The following PTPN1 variants were observed in gnomAD, a reference collection of about 807,000 sequenced individuals.
The protein encoded by PTPN1 is tyrosine-protein phosphatase non-receptor type 1.
Under a neutral mutation model 59.9 loss-of-function variants are expected in PTPN1, and 12 were observed. The ratio of observed to expected loss-of-function variants is 0.20; its 90% CI spans 0.13 to 0.32. The LOEUF is 0.32. Ranked by LOEUF, PTPN1 falls within the 10% of genes least tolerant of loss-of-function variation. PTPN1 has a pLI of 1.00. For missense variants in PTPN1, 356 were observed against 549.2 expected, an observed-to-expected ratio of 0.65 and a Z score of 3.52; for synonymous variants, 178 against 203.6, an observed-to-expected ratio of 0.87 and a Z score of 1.07.
intron 3 of PTPN1, among the ~76,000 whole-genome samples, chr20:50,566,280 C>G (rs542964655): frequency 2.7e-4 from 41 of 152,328 alleles, no homozygotes; most frequent in Admixed American, 1.4e-3. Context: ...TTTCCTACTT[C>G]TTGATTTCAG....
chr20:50,525,104 G>A (rs1194090038), intron 1 of PTPN1, among the ~76,000 whole-genome samples: 2 of 151,972 alleles, frequency 1.3e-5, no homozygotes, highest in Non-Finnish European at 2.9e-5. Flanking sequence ...TTGCTGCCTA[G>A]GCTGGAGTGC....
At chr20:50,536,117 G>A (rs1218555365) in intron 1 of PTPN1, among the ~76,000 whole-genome samples, 1 of 152,152 alleles carries the variant, frequency 6.6e-6, no homozygotes, top group Non-Finnish European at 1.5e-5. Context: ...CACATAAGAT[G>A]GGATACCTCC....
intron 4 of PTPN1, among the ~76,000 whole-genome samples, chr20:50,569,846 G>A (rs542752944): frequency 6.6e-5 from 10 of 152,382 alleles, no homozygotes; most frequent in African/African-American, 2.4e-4. Context: ...GCGCAGGCCA[G>A]TGTTCAGCAG....
At chr20:50,566,040 T>C (rs775727097) in intron 3 of PTPN1, among the ~76,000 whole-genome samples, 8 of 152,192 alleles carry the variant, frequency 5.3e-5, no homozygotes, top group Non-Finnish European at 1.0e-4. Context: ...TCATCTGGGA[T>C]GCAGAGCATC....
At chr20:50,551,564 C>T (rs561692364) in intron 1 of PTPN1, among the ~76,000 whole-genome samples, 44 of 152,288 alleles carry the variant, frequency 2.9e-4, no homozygotes, top group African/African-American at 9.9e-4. Flanking sequence ...CTGGGAGAGC[C>T]GTACACATTT....
intron 2 of PTPN1, among the ~76,000 whole-genome samples, chr20:50,562,583 T>C (rs909523414): frequency 6.6e-6 from 1 of 152,210 alleles, no homozygotes; most frequent in East Asian, 1.9e-4. Context: ...CACGCAGACA[T>C]AAGTGCTCAG....
In PTPN1 at chr20:50,582,994, G is replaced by A; in HGVS notation, c.*279G>A. ...ACCATGCTGGCGGCGCAGAGGGAAG[G>A]GGCCTACACCCGTCTTGGGGCTCGC... On this transcript the variant is annotated 3_prime_UTR_variant, in exon 10 of 10. Coordinates refer to ENST00000371621, the MANE Select transcript of PTPN1 (RefSeq NM_002827.4). The surrounding 1 kb of genome is among the most constrained non-coding windows in gnomAD (Gnocchi z 4.2). 2 of 512,010 alleles carry A rather than the reference G, an allele frequency of 3.9e-6. No homozygotes were observed. Among genetic ancestry groups the A allele is most frequent in the South Asian group, 2.7e-5 (1 of 37,634 alleles). The allele number at this position is 512,010 out of a possible 1,614,324, so 31.7% of individuals were successfully genotyped here. A position where few individuals can be genotyped will look rare whatever the true frequency, so the allele number is the denominator to read the frequency against.
intron 1 of PTPN1, among the ~76,000 whole-genome samples, chr20:50,559,112 A>G (rs564138611): frequency 1.3e-5 from 2 of 148,450 alleles, no homozygotes; most frequent in South Asian, 2.2e-4. Context: ...GCTCACTGCA[A>G]CCTCCACCTC....
intron 1 of PTPN1, among the ~76,000 whole-genome samples, chr20:50,535,592 G>A (rs1379273042): frequency 3.9e-5 from 6 of 152,218 alleles, no homozygotes; most frequent in African/African-American, 9.7e-5. Flanking sequence ...GTTACAGAAA[G>A]CAAGCTGCTA....
intron 8 of PTPN1, 145 bp from the exon 9 acceptor site, chr20:50,581,120 G>A: frequency 1.5e-6 from 2 of 1,360,780 alleles, no homozygotes; most frequent in African/African-American, 1.5e-5. Flanking sequence ...CCAAGCAGAG[G>A]GGGCTGGCTC....
intron 1 of PTPN1, chr20:50,557,730 C>G (rs901483613): frequency 6.6e-6 from 1 of 152,118 alleles, no homozygotes; most frequent in Non-Finnish European, 1.5e-5. Flanking sequence ...AGTGGCTCTT[C>G]GCGGGCATGA....
At chr20:50,548,289 A>G (rs1319782570) in intron 1 of PTPN1, among the ~76,000 whole-genome samples, 2 of 151,982 alleles carry the variant, frequency 1.3e-5, no homozygotes, top group East Asian at 3.9e-4. Flanking sequence ...TTATTCATTT[A>G]TTTCCAGGAT....
rs745558030 is a variant in PTPN1, at chr20:50,568,445, C to G, written c.321C>G (p.Val107=). 1.9e-6 allele frequency: 3 copies of G among 1,613,970 alleles called. No homozygotes were observed. The African/African-American group carries it at 4.0e-5, about 22-fold the overall frequency. Residue 107 remains valine (V), a synonymous_variant, in exon 4 of 10, where the codon GTC becomes GTG. Coordinates refer to ENST00000371621, the MANE Select transcript of PTPN1 (RefSeq NM_002827.4). This position sits in a 1 kb window ranked among gnomAD's most constrained non-coding sequence, Gnocchi z 5.6. The stretch of plus-strand genomic sequence containing the variant: ...TGTGGGAGCAGAAAAGCAGGGGTGT[C>G]GTCATGCTCAACAGAGTGATGGAGA... The part of the protein sequence containing the change: ...EMVWEQKSRG[V]VMLNRVMEKG...
At chr20:50,578,311 T>C (rs777074514) in intron 5 of PTPN1, 109 bp from the exon 6 acceptor site, 33 of 932,100 alleles carry the variant, frequency 3.5e-5, no homozygotes, top group Non-Finnish European at 4.2e-5. Flanking sequence ...TGAGAATGAA[T>C]GTTCCTCTTA....
At chr20:50,514,607 C>T (rs2082521178) in intron 1 of PTPN1, among the ~76,000 whole-genome samples, 2 of 152,138 alleles carry the variant, frequency 1.3e-5, no homozygotes, top group South Asian at 4.1e-4. Context: ...TTCAAGCGAT[C>T]CTCCCACCTT....
chr20:50,584,806 C>T lies in PTPN1; in HGVS notation c.*2091C>T, dbSNP rs552689330. 19 of 152,256 alleles carry T rather than the reference C, an allele frequency of 1.2e-4. No homozygotes were observed. Among genetic ancestry groups the T allele is most frequent in the African/African-American group, 4.6e-4 (19 of 41,534 alleles). The allele number at this position is 152,256 out of a possible 1,614,324, so 9.4% of individuals were successfully genotyped here. ...TTTTTCTTTGCTTAATAGAGCTAAA[C>T]CAGGATGAGTAACTCCTGTTTCTTT... On this transcript the variant is annotated 3_prime_UTR_variant, in exon 10 of 10. Coordinates refer to ENST00000371621, the MANE Select transcript of PTPN1 (RefSeq NM_002827.4).
chr20:50,560,566 A>G (rs759358707), intron 1 of PTPN1, among the ~76,000 whole-genome samples: 27 of 148,344 alleles, frequency 1.8e-4, no homozygotes, highest in Admixed American at 1.6e-3. Flanking sequence ...CCAGAATTCT[A>G]TTGCTGTTGT....
intron 1 of PTPN1, among the ~76,000 whole-genome samples, chr20:50,541,875 T>C (rs911850214): frequency 5.9e-5 from 9 of 152,150 alleles, no homozygotes; most frequent in African/African-American, 2.2e-4. Context: ...CCTGGAAGCT[T>C]CCTCTTTCCT....
chr20:50,538,012 A>C (rs1284576958), intron 1 of PTPN1, among the ~76,000 whole-genome samples: 1 of 152,168 alleles, frequency 6.6e-6, no homozygotes, highest in Non-Finnish European at 1.5e-5. Context: ...TGTTGTTCTC[A>C]GGTGGTAATA....
Sources: gnomAD v4.1 joint callset for allele counts (sites outside exome capture counted in the v4.1 genomes callset) on GRCh38, gnomAD v4.1.1 for gene constraint, Gnocchi (gnomAD v3.1) non-coding constraint, MANE v1.5 for transcripts, NCBI Gene and HGNC (gene_info 2026-07-23, HGNC 2026-07-21) for gene names.